Variants in NSD1 observed in about 807,000 individuals in gnomAD.
NSD1 encodes nuclear receptor binding SET domain protein 1.
Under a neutral mutation model 242.7 loss-of-function variants are expected in NSD1, and 26 were observed. That is an observed-to-expected ratio of 0.11 (90% CI 0.08 to 0.15). The LOEUF (loss-of-function observed/expected upper bound fraction) is 0.15, where lower values mean the gene tolerates loss of function less well. Among genes scored for constraint, NSD1 ranks in the 10% least tolerant of loss-of-function variants. NSD1 has a pLI of 1.00. For synonymous variants in NSD1, 1,106 were observed against 1,178.1 expected, an observed-to-expected ratio of 0.94 and a Z score of 1.25; for missense variants, 2,495 against 3,272.8, an observed-to-expected ratio of 0.76 and a Z score of 5.80.
In NSD1 at chr5:177,256,967, T is replaced by C; in HGVS notation, c.4782T>C (p.Phe1594=). 6.2e-7 allele frequency: 1 copy of C among 1,613,962 alleles called. No individual in the cohort carries two copies. The highest frequency in any genetic ancestry group is 8.5e-7 in the Non-Finnish European group (1 of 1,179,810). Residue 1594 remains phenylalanine, a synonymous_variant, in exon 13 of 23, where the codon TTT becomes TTC. Transcript: ENST00000439151. Reference sequence around the variant, plus strand: ...GCTTCTCAGGAATCCATACCTGTTTTGTATGTAAGCAGAGTGGGGAAGATG... The same window carrying C: ...GCTTCTCAGGAATCCATACCTGTTTCGTATGTAAGCAGAGTGGGGAAGATG... The part of the protein sequence containing the change: ...NECRTGIHTC[F]VCKQSGEDVK...
At chr5:177,214,621 A>G (rs1417329921) in intron 5 of NSD1, among the ~76,000 whole-genome samples, 2 of 150,652 alleles carry the variant, frequency 1.3e-5, no homozygotes, top group African/African-American at 2.4e-5. Flanking sequence ...TTCACTTAGC[A>G]TAATGTTTTC....
intron 5 of NSD1, among the ~76,000 whole-genome samples, chr5:177,214,668 CTT>C (rs35392696): frequency 1.4e-3 from 177 of 123,624 alleles, no homozygotes; most frequent in Middle Eastern, 4.0e-3. Context: ...ACAGGATCAC[CTT>C]TTTTTTTTTT....
At chr5:177,265,431 A>G (rs1581482661) in intron 14 of NSD1, 3 of 609,884 alleles carry the variant, frequency 4.9e-6, no homozygotes, top group East Asian at 5.5e-5. Flanking sequence ...AACAGTCATG[A>G]TGTGCCCTCC....
chr5:177,238,518 G>A lies in NSD1; in HGVS notation c.4192+11G>A. 1.2e-6 allele frequency: 2 copies of A among 1,611,494 alleles called. No individual in the cohort carries two copies. Among genetic ancestry groups the A allele is most frequent in the Non-Finnish European group, 1.7e-6 (2 of 1,179,934 alleles). On this transcript the variant is annotated intron_variant, in intron 7 of 22. Transcript: ENST00000439151. The surrounding 1 kb of genome is among the most constrained non-coding windows in gnomAD (Gnocchi z 4.6). ...TAGTTAAAACGCCAGGTAAGGTGGG[G>A]TTGGGGTCTCAGTATTTGAGCAGAT...
chr5:177,231,096 C>G (rs1765019676), intron 5 of NSD1, among the ~76,000 whole-genome samples: 1 of 152,126 alleles, frequency 6.6e-6, no homozygotes, highest in Non-Finnish European at 1.5e-5. Flanking sequence ...CCACCCTGCC[C>G]CCACTTTGAG....
chr5:177,267,807 C>T (rs1264354190), intron 15 of NSD1, 89 bp downstream of exon 15: 5 of 1,309,466 alleles, frequency 3.8e-6, no homozygotes, highest in African/African-American at 2.9e-5. Flanking sequence ...TTCTAATGAT[C>T]TACTTAATTA....
At chr5:177,169,779 C>A (rs1759534371) in intron 2 of NSD1, 1 of 152,100 alleles carries the variant, frequency 6.6e-6, no homozygotes, top group East Asian at 1.9e-4. Context: ...TGATATATAA[C>A]ATAACCACAT....
At position 177,256,875 on chromosome 5, in the gene NSD1, T is replaced by G. The variant is rs896633438; in HGVS notation, c.4766-76T>G. ...GATCAGTCCATTATAAAATTTCTTA[T>G]GAACTTTTCACCTAATGGTTTAGCA... On this transcript the variant is annotated intron_variant, in intron 12 of 22. Transcript: ENST00000439151. The G allele has an allele frequency of 1.3e-5, 16 of 1,266,954 alleles. No individual in the cohort carries two copies. The East Asian group carries it at 3.2e-4, about 26-fold the overall frequency. The allele number at this position is 1,266,954 out of a possible 1,614,324, so 78.5% of individuals were successfully genotyped here. A position where few individuals can be genotyped will look rare whatever the true frequency, so the allele number is the denominator to read the frequency against.
chr5:177,190,825 A>G (rs7726319), intron 2 of NSD1, among the ~76,000 whole-genome samples: 3,283 of 145,180 alleles, frequency 0.023, 209 homozygotes, highest in African/African-American at 0.087. Context: ...GCCCGCCACC[A>G]TGCCCAGCTA....
At position 177,210,989 on chromosome 5, in the gene NSD1, T is replaced by C; in HGVS notation, c.2590T>C (p.Leu864=). ...TAVVKHVLSE[L]KELSYRSLGE... is the part of the protein sequence containing the mutation. Reference sequence around the variant, plus strand: ...AGTGGTGAAACATGTTTTATCCGAGTTGAAGGAACTCTCTTACAGATCCTT... The same window carrying C: ...AGTGGTGAAACATGTTTTATCCGAGCTGAAGGAACTCTCTTACAGATCCTT... Residue 864 remains leucine (L), a synonymous_variant, in exon 5 of 23, where the codon TTG becomes CTG. Transcript: ENST00000439151. 1 of 1,614,150 alleles carries C rather than the reference T, an allele frequency of 6.2e-7. No homozygotes were observed. Among genetic ancestry groups the C allele is most frequent in the Non-Finnish European group, 8.5e-7 (1 of 1,180,036 alleles).
chr5:177,269,502 C>T lies in NSD1; in HGVS notation c.5304-100C>T. 3.0e-6 allele frequency: 3 copies of T among 1,013,108 alleles called. No individual in the cohort carries two copies. Among genetic ancestry groups the T allele is most frequent in the South Asian group, 1.3e-5 (1 of 74,282 alleles). The allele number at this position is 1,013,108 out of a possible 1,614,324, so 62.8% of individuals were successfully genotyped here. A position where few individuals can be genotyped will look rare whatever the true frequency, so the allele number is the denominator to read the frequency against. On this transcript the variant is annotated intron_variant, in intron 15 of 22. Transcript: ENST00000439151. This position sits in a 1 kb window ranked among gnomAD's most constrained non-coding sequence, Gnocchi z 5.1. ...GCCGTAAGATGGACTTTAATGTGGACAGACAGACATTGCTAATCCTTACTT... is the reference window on the plus strand; with the variant it reads ...GCCGTAAGATGGACTTTAATGTGGATAGACAGACATTGCTAATCCTTACTT...
In NSD1 at chr5:177,212,056, A is replaced by G. The variant is rs886060442; in HGVS notation, c.3657A>G (p.Thr1219=). 3.1e-6 allele frequency: 5 copies of G among 1,614,182 alleles called. No individual in the cohort carries two copies. Among genetic ancestry groups the G allele is most frequent in the Non-Finnish European group, 4.2e-6 (5 of 1,180,032 alleles). Residue 1219 remains threonine (T), a synonymous_variant, in exon 5 of 23, where the codon ACA becomes ACG. Transcript: ENST00000439151. The part of the protein sequence containing the change: ...PSASILEEPL[T]EQNHADCLDS... Reference sequence around the variant, plus strand: ...CAAGCATACTTGAGGAACCACTGACAGAGCAAAATCATGCTGACTGCTTAG... The same window carrying G: ...CAAGCATACTTGAGGAACCACTGACGGAGCAAAATCATGCTGACTGCTTAG...
chr5:177,206,602 A>G (rs1428880504), intron 4 of NSD1, among the ~76,000 whole-genome samples: 1 of 152,246 alleles, frequency 6.6e-6, no homozygotes, highest in African/African-American at 2.4e-5. Context: ...AGAAATAAGT[A>G]TAAAATACTT....
intron 2 of NSD1, among the ~76,000 whole-genome samples, chr5:177,165,318 G>A (rs1048551161): frequency 1.3e-5 from 2 of 151,956 alleles, no homozygotes; most frequent in African/African-American, 4.8e-5. Flanking sequence ...ACAGGTGCTT[G>A]CCACCACACC....
intron 2 of NSD1, among the ~76,000 whole-genome samples, chr5:177,170,662 T>C (rs1319474550): frequency 6.6e-6 from 1 of 152,228 alleles, no homozygotes; most frequent in Non-Finnish European, 1.5e-5. Context: ...CAACTTCATT[T>C]TTTATTTTTT....
intron 14 of NSD1, chr5:177,265,941 G>A: frequency 1.6e-6 from 2 of 1,287,524 alleles, no homozygotes; most frequent in Non-Finnish European, 1.1e-6. Flanking sequence ...TCCTTTATGA[G>A]GCAGGCGTTG....
In NSD1 at chr5:177,135,520, G is replaced by A. The variant is rs976337259; in HGVS notation, c.417G>A (p.Gln139=). The change falls in exon 2 of 23, where the codon CAG becomes CAA. Residue 139 remains glutamine, a synonymous_variant. Coordinates refer to ENST00000439151, the MANE Select transcript of NSD1 (RefSeq NM_022455.5). ...EPSCNNSPEL[Q]VKVTKTIKNG... Reference sequence around the variant, plus strand: ...CTTGTAATAACTCCCCTGAACTCCAGGTAAAAGTAACAAAGACTATCAAGA... The same window carrying A: ...CTTGTAATAACTCCCCTGAACTCCAAGTAAAAGTAACAAAGACTATCAAGA... The A allele has an allele frequency of 6.2e-7, 1 of 1,614,110 alleles. No homozygotes were observed. Among genetic ancestry groups the A allele is most frequent in the African/African-American group, 1.3e-5 (1 of 75,014 alleles).
In NSD1 at chr5:177,248,303, A is replaced by G. The variant is rs763697978; in HGVS notation, c.4620A>G (p.Ala1540=). 6.2e-7 allele frequency: 1 copy of G among 1,613,794 alleles called. No homozygotes were observed. Among genetic ancestry groups the G allele is most frequent in the South Asian group, 1.1e-5 (1 of 91,014 alleles). Residue 1540 remains alanine, a synonymous_variant, in exon 11 of 23, where the codon GCA becomes GCG. Transcript: ENST00000439151. ...AGGGTGAACGCGGTGGAGGAGCTGCACTCAAGGAGAATGTCTGTCAGGTAG... is the reference window on the plus strand; with the variant it reads ...AGGGTGAACGCGGTGGAGGAGCTGCGCTCAAGGAGAATGTCTGTCAGGTAG... The part of the protein sequence containing the change: ...KMQGERGGGA[A]LKENVCQNCE...
At chr5:177,171,763 T>C (rs1759731009) in intron 2 of NSD1, among the ~76,000 whole-genome samples, 1 of 152,256 alleles carries the variant, frequency 6.6e-6, no homozygotes, top group Non-Finnish European at 1.5e-5. Flanking sequence ...GTCAAGGTTT[T>C]TGCATGTTGT....
Sources: gnomAD v4.1 joint callset for allele counts (sites outside exome capture counted in the v4.1 genomes callset) on GRCh38, gnomAD v4.1.1 for gene constraint, Gnocchi (gnomAD v3.1) non-coding constraint, MANE v1.5 for transcripts, NCBI Gene and HGNC (gene_info 2026-07-23, HGNC 2026-07-21) for gene names.